SLC22A8: variants seen among roughly 807,000 people sequenced by gnomAD.
The protein encoded by SLC22A8 is solute carrier family 22 member 8.
Under a neutral mutation model 48.4 loss-of-function variants are expected in SLC22A8, and 40 were observed. That is an observed-to-expected ratio of 0.83 (90% CI 0.64 to 1.08). The LOEUF is 1.08. SLC22A8 is among the 50% of genes least tolerant of loss of function. SLC22A8 has a pLI of 0.00. For synonymous variants in SLC22A8, 268 were observed against 286.3 expected, an observed-to-expected ratio of 0.94 and a Z score of 0.65; for missense variants, 606 against 699.0, an observed-to-expected ratio of 0.87 and a Z score of 1.50.
chr11:63,007,538 G>A (rs1209490031), intron 2 of SLC22A8, among the ~76,000 whole-genome samples: 3 of 152,028 alleles, frequency 2.0e-5, no homozygotes, highest in Non-Finnish European at 4.4e-5. Context: ...GTTGGACTAG[G>A]CTGGTCTCAA....
chr11:62,993,157 T>C lies in SLC22A8; in HGVS notation c.*80A>G. 2 of 1,037,208 alleles carry C rather than the reference T, an allele frequency of 1.9e-6. No homozygotes were observed. Among genetic ancestry groups the C allele is most frequent in the South Asian group, 1.5e-5 (1 of 65,094 alleles). 64.3% of individuals were successfully genotyped at this position (1,037,208 alleles called of 1,614,324 possible). A position where few individuals can be genotyped will look rare whatever the true frequency, so the allele number is the denominator to read the frequency against. On this transcript the variant is annotated 3_prime_UTR_variant, in exon 11 of 11. Coordinates refer to ENST00000336232, the MANE Select transcript of SLC22A8 (RefSeq NM_004254.4). ...AGGCTTCATCCTAGGAGGATGGACCTATATGGGGCCTCCCTATACTCCTAA... is the reference window on the plus strand; with the variant it reads ...AGGCTTCATCCTAGGAGGATGGACCCATATGGGGCCTCCCTATACTCCTAA...
chr11:62,998,331 G>A (rs1029627599), intron 5 of SLC22A8, among the ~76,000 whole-genome samples: 1 of 152,108 alleles, frequency 6.6e-6, no homozygotes, highest in African/African-American at 2.4e-5. Flanking sequence ...TGAGCTCTCT[G>A]CCCACTCTGG....
rs79895775 is a variant in SLC22A8, at chr11:62,994,410, C to A, written c.1216+132G>T. ...TTGCGTTATTTTCTAGAAGAGAGACCCTGAGCCCCAGAGAGTGCAGGGACC... is the reference window on the plus strand; with the variant it reads ...TTGCGTTATTTTCTAGAAGAGAGACACTGAGCCCCAGAGAGTGCAGGGACC... On this transcript the variant is annotated intron_variant, in intron 8 of 10. Coordinates refer to ENST00000336232, the MANE Select transcript of SLC22A8 (RefSeq NM_004254.4). 5.2e-4 allele frequency: 345 copies of A among 664,418 alleles called. 1 individual carries two copies. The African/African-American group carries it at 6.0e-3, about 11-fold the overall frequency. The allele number at this position is 664,418 out of a possible 1,614,324, so 41.2% of individuals were successfully genotyped here. A position where few individuals can be genotyped will look rare whatever the true frequency, so the allele number is the denominator to read the frequency against.
At chr11:62,997,253 C>T (rs1239921322) in intron 5 of SLC22A8, among the ~76,000 whole-genome samples, 4 of 152,104 alleles carry the variant, frequency 2.6e-5, no homozygotes, top group Non-Finnish European at 5.9e-5. Context: ...GAAATGGAGC[C>T]TCGCACTATC....
intron 7 of SLC22A8, chr11:62,994,992 A>G: frequency 1.8e-6 from 1 of 566,564 alleles, no homozygotes; most frequent in South Asian, 2.0e-5. Flanking sequence ...TGTGGTGGCA[A>G]AGGTGCCAAT....
chr11:63,002,082 G>A (rs181447259), intron 2 of SLC22A8, among the ~76,000 whole-genome samples: 1 of 152,030 alleles, frequency 6.6e-6, no homozygotes, highest in East Asian at 1.9e-4. Flanking sequence ...GGCTAATTTT[G>A]GATTTTGTAT....
rs143865155 is a variant in SLC22A8 at position 63,014,937 on chromosome 11, C to G, written c.22G>C (p.Asp8His). Reference protein sequence around the residue: MTFSEILDRVGSMGHFQF... With the variant: MTFSEILHRVGSMGHFQF... Reference sequence around the variant, plus strand: ...AAATGGCCCATGCTTCCCACACGGTCCAGGATCTCCGAGAAGGTCATGGCA... The same window carrying G: ...AAATGGCCCATGCTTCCCACACGGTGCAGGATCTCCGAGAAGGTCATGGCA... Residue 8 changes from aspartate to histidine, a missense_variant, in exon 2 of 11, where the codon GAC (aspartate) becomes CAC (histidine). By Grantham distance (81) the Asp-to-His change is moderately conservative (BLOSUM62 -1). Coordinates refer to ENST00000336232, the MANE Select transcript of SLC22A8 (RefSeq NM_004254.4). 6.4e-7 allele frequency: 1 copy of G among 1,554,544 alleles called. No individual in the cohort carries two copies. The highest frequency in any genetic ancestry group is 1.4e-5 in the African/African-American group (1 of 73,878).
rs1248344425 is a variant in SLC22A8, at chr11:62,993,819, A to G, written c.1276T>C (p.Phe426Leu). The change falls in exon 9 of 11, where the codon TTC (phenylalanine) becomes CTC (leucine). Residue 426 changes from phenylalanine to leucine, a missense_variant. Physicochemically the swap from Phe to Leu is conservative, Grantham distance 22. Transcript: ENST00000336232. ...CTTGTGTAGAGGAAGAGGCAGCTGA[A>G]GGAGCTGGATAGGCATCCCTTCCCA... Reference protein sequence around the residue: ...VFGKGCLSSSFSCLFLYTSEL... With the variant: ...VFGKGCLSSSLSCLFLYTSEL... 1 of 1,614,000 alleles carries G rather than the reference A, an allele frequency of 6.2e-7. No homozygotes were observed. Among genetic ancestry groups the G allele is most frequent in the East Asian group, 2.2e-5 (1 of 44,880 alleles).
chr11:63,010,579 G>A (rs573102171), intron 2 of SLC22A8, among the ~76,000 whole-genome samples: 1 of 152,338 alleles, frequency 6.6e-6, no homozygotes, highest in East Asian at 1.9e-4. Context: ...TGGTACCAGT[G>A]TGGCTGGCTG....
At chr11:63,009,541 C>T (rs113195753) in intron 2 of SLC22A8, among the ~76,000 whole-genome samples, 1 of 152,174 alleles carries the variant, frequency 6.6e-6, no homozygotes, top group Non-Finnish European at 1.5e-5. Flanking sequence ...CTATGGGGTA[C>T]GTGCCTCTCC....
rs1267616413 is a variant in SLC22A8 at position 62,997,462 on chromosome 11, G to A, written c.762-1310C>T. ...GCTGGTCTGAAACTCCTGACCCCGC[G>A]ATCCGCCCCTCAGCCTCCCAAAGTG... On this transcript the variant is annotated intron_variant, in intron 5 of 10. Transcript: ENST00000336232. Among the ~76,000 whole-genome samples the A allele has an allele frequency of 4.6e-5, 7 of 152,142 alleles. No homozygotes were observed. The East Asian group carries it at 9.7e-4, about 21-fold the overall frequency.
chr11:63,012,514 C>T (rs1467593217), intron 2 of SLC22A8, among the ~76,000 whole-genome samples: 1 of 152,220 alleles, frequency 6.6e-6, no homozygotes, highest in Non-Finnish European at 1.5e-5. Flanking sequence ...ACTCCTACCT[C>T]TCCATGCCCA....
At chr11:62,995,383 G>C (rs866682113) in intron 7 of SLC22A8, 2 of 415,202 alleles carry the variant, frequency 4.8e-6, no homozygotes, top group Non-Finnish European at 4.4e-6. Context: ...TGACCCAGAG[G>C]GGGGCAGTGA....
chr11:62,996,945 T>C (rs1023415311), intron 5 of SLC22A8, among the ~76,000 whole-genome samples: 22 of 152,024 alleles, frequency 1.4e-4, no homozygotes, highest in Non-Finnish European at 1.9e-4. Flanking sequence ...CCTCAGGGAG[T>C]GGACATTGGT....
In SLC22A8 at chr11:62,994,724, G is replaced by T; in HGVS notation, c.1034C>A (p.Ala345Asp). The T allele has an allele frequency of 6.2e-7, 1 of 1,614,192 alleles. No homozygotes were observed. The highest frequency in any genetic ancestry group is 8.5e-7 in the Non-Finnish European group (1 of 1,180,012). Residue 345 changes from alanine (A) to aspartate (D), a missense_variant, in exon 8 of 11, where the codon GCT (alanine) becomes GAT (aspartate). Transcript: ENST00000336232. ...FATGFAYYSL[A>D]MGVEEFGVNL... The stretch of plus-strand genomic sequence containing the variant: ...GACTCCAAATTCTTCCACACCCATA[G>T]CCAAACTATAGTAGGCAAAACCGGT...
In SLC22A8 at chr11:62,994,533, G is replaced by A; in HGVS notation, c.1216+9C>T. The A allele has an allele frequency of 3.1e-6, 5 of 1,589,644 alleles. No homozygotes were observed. Among genetic ancestry groups the A allele is most frequent in the Non-Finnish European group, 4.3e-6 (5 of 1,166,074 alleles). ...TCCAGAGGGTTCTGGGGTAGCCCCA[G>A]TCTCTCACCCAAGGGCACAAAGGTG... On this transcript the variant is annotated intron_variant, in intron 8 of 10. Transcript: ENST00000336232.
rs1196576621 is a variant in SLC22A8, at chr11:62,993,290, C to A, written c.1576G>T (p.Ala526Ser). 1.9e-6 allele frequency: 3 copies of A among 1,613,656 alleles called. No individual in the cohort carries two copies. In the Admixed American group the frequency reaches 5.0e-5, roughly 27 times the overall value. Residue 526 changes from alanine (A) to serine (S), a missense_variant, in exon 11 of 11, where the codon GCC (alanine) becomes TCC (serine). Physicochemically the swap from Ala to Ser is moderately conservative, Grantham distance 99. Coordinates refer to ENST00000336232, the MANE Select transcript of SLC22A8 (RefSeq NM_004254.4). ...KPKQEPEVEKASQRIPLQPHG... is the reference protein window; with the variant it reads ...KPKQEPEVEKSSQRIPLQPHG... ...GGCTGTAGAGGGATCCTCTGGGAGG[C>A]CTTTTCCACCTCTGGCTCCTGCTTT...
At chr11:63,011,815 A>G (rs936207392) in intron 2 of SLC22A8, among the ~76,000 whole-genome samples, 2 of 152,130 alleles carry the variant, frequency 1.3e-5, no homozygotes, top group Non-Finnish European at 2.9e-5. Context: ...ACACCACCAC[A>G]GTCACTGGCT....
chr11:63,000,740 C>T lies in SLC22A8; in HGVS notation c.417G>A (p.Val139=). 2 of 1,613,232 alleles carry T rather than the reference C, an allele frequency of 1.2e-6. No homozygotes were observed. The highest frequency in any genetic ancestry group is 2.2e-5 in the South Asian group (2 of 91,056). Residue 139 remains valine, a synonymous_variant, in exon 3 of 11, where the codon GTG becomes GTA. Coordinates refer to ENST00000336232, the MANE Select transcript of SLC22A8 (RefSeq NM_004254.4). ...CTCACCTGTCAGACAGGTCTCCAAGCACGAGCCCTCCAATCAGTATACCTG... is the reference window on the plus strand; with the variant it reads ...CTCACCTGTCAGACAGGTCTCCAAGTACGAGCCCTCCAATCAGTATACCTG... ...FMAGILIGGL[V]LGDLSDRFGR...
Sources: allele counts gnomAD v4.1 joint callset (sites outside exome capture counted in the v4.1 genomes callset), GRCh38; gene constraint gnomAD v4.1.1; transcripts MANE v1.5; gene names NCBI Gene and HGNC (gene_info 2026-07-23, HGNC 2026-07-21).